The following CNOT4 variants were observed in gnomAD, a reference collection of about 807,000 sequenced individuals.
The protein encoded by CNOT4 is CCR4-associated factor 4.
Under a neutral mutation model 73.8 loss-of-function variants are expected in CNOT4, and 8 were observed. That is an observed-to-expected ratio of 0.11 (90% CI 0.06 to 0.20). CNOT4 has a LOEUF of 0.20. Among genes scored for constraint, CNOT4 ranks in the 10% least tolerant of loss-of-function variants. The pLI, the probability that CNOT4 is intolerant of heterozygous loss-of-function variation, is 1.00. For synonymous variants in CNOT4, 293 were observed against 321.1 expected (o/e 0.91, Z 0.94); for missense variants, 564 against 883.4 (o/e 0.64, Z 4.58).
At chr7:135,397,281 A>T (rs949697885) in intron 8 of CNOT4, among the ~76,000 whole-genome samples, 7 of 152,144 alleles carry the variant, frequency 4.6e-5, no homozygotes, top group African/African-American at 1.7e-4. Flanking sequence ...AAACAGAATT[A>T]TGATCAAAAC....
Position 135,363,900 on chromosome 7 carries a change from C to G in CNOT4, c.1794G>C (p.Leu598=). The G allele has an allele frequency of 6.3e-7, 1 of 1,598,330 alleles. No homozygotes were observed. The highest frequency in any genetic ancestry group is 8.5e-7 in the Non-Finnish European group (1 of 1,179,690). ...PTSNTATTDS[L]SWDSPGSWTD... Reference sequence around the variant, plus strand: ...TCCAGCTGCCAGGGCTGTCCCAACTCAGGCTGTCGGTGGTGGCAGTGTTGG... The same window carrying G: ...TCCAGCTGCCAGGGCTGTCCCAACTGAGGCTGTCGGTGGTGGCAGTGTTGG... The change falls in exon 11 of 12, where the codon CTG becomes CTC. Residue 598 remains leucine (L), a synonymous_variant. Transcript: ENST00000541284. This position sits in a 1 kb window ranked among gnomAD's most constrained non-coding sequence, Gnocchi z 4.3.
chr7:135,417,631 G>A (rs1158043853), intron 3 of CNOT4, among the ~76,000 whole-genome samples: 2 of 152,130 alleles, frequency 1.3e-5, no homozygotes, highest in East Asian at 1.9e-4. Flanking sequence ...CAGCCAGAAT[G>A]GTACTGTCAA....
chr7:135,467,737 T>TA (rs1326661897), intron 1 of CNOT4, among the ~76,000 whole-genome samples: 19 of 151,526 alleles, frequency 1.3e-4, no homozygotes, highest in Admixed American at 9.2e-4. Flanking sequence ...TAAAAAAAGA[T>TA]AAAAAACTTC....
rs773337971 is a variant in CNOT4, at chr7:135,426,500, G to A, written c.175-4147C>T. Among the ~76,000 whole-genome samples, 5 of 151,750 alleles carry A rather than the reference G, an allele frequency of 3.3e-5. No individual in the cohort carries two copies. In the East Asian group the frequency reaches 7.8e-4, roughly 24 times the overall value. On this transcript the variant is annotated intron_variant, in intron 2 of 11. Transcript: ENST00000541284. Reference sequence around the variant, plus strand: ...CACCTGTAGTCCCAGCTACTCAGAAGGCTGGAGCAGGAGAATGGCGTGAAC... The same window carrying A: ...CACCTGTAGTCCCAGCTACTCAGAAAGCTGGAGCAGGAGAATGGCGTGAAC...
chr7:135,418,148 C>T (rs768571468), intron 3 of CNOT4, among the ~76,000 whole-genome samples: 1 of 152,174 alleles, frequency 6.6e-6, no homozygotes, highest in South Asian at 2.1e-4. Flanking sequence ...CAATAGTGGG[C>T]CTCAAAGTAT....
intron 2 of CNOT4, among the ~76,000 whole-genome samples, chr7:135,423,521 G>A (rs941200396): frequency 6.6e-6 from 1 of 150,902 alleles, no homozygotes; most frequent in African/African-American, 2.4e-5. Context: ...GAGTAACGCT[G>A]ACGGCAATTA....
At chr7:135,426,592 G>C (rs2129484741) in intron 2 of CNOT4, among the ~76,000 whole-genome samples, 1 of 121,938 alleles carries the variant, frequency 8.2e-6, no homozygotes, top group South Asian at 2.7e-4. Context: ...GACAGAGCAA[G>C]ACTCCGTCTC....
At chr7:135,472,134 C>A (rs1286627132) in intron 1 of CNOT4, among the ~76,000 whole-genome samples, 9 of 151,580 alleles carry the variant, frequency 5.9e-5, no homozygotes, top group African/African-American at 2.2e-4. Flanking sequence ...GATCACACCA[C>A]TGTACTCCAG....
At chr7:135,489,391 C>CTTTTTTTTTTTT (rs71174525) in intron 1 of CNOT4, among the ~76,000 whole-genome samples, 3 of 84,746 alleles carry the variant, frequency 3.5e-5, no homozygotes, top group African/African-American at 4.8e-5. Flanking sequence ...AGTCACATTT[C>CTTTTTTTTTTTT]TTTTTTTTTT....
intron 2 of CNOT4, among the ~76,000 whole-genome samples, chr7:135,426,041 A>G (rs1262016435): frequency 6.6e-6 from 1 of 151,762 alleles, no homozygotes; most frequent in East Asian, 1.9e-4. Flanking sequence ...TGAGACCCCC[A>G]TCTCTACAAA....
intron 10 of CNOT4, among the ~76,000 whole-genome samples, chr7:135,371,040 A>G (rs998941225): frequency 6.6e-6 from 1 of 152,122 alleles, no homozygotes; most frequent in African/African-American, 2.4e-5. Flanking sequence ...TATTCTACCC[A>G]TTTTTCTACT....
intron 1 of CNOT4, among the ~76,000 whole-genome samples, chr7:135,495,697 AGAAAGAAAGAAAG>A (rs1803495261): frequency 4.0e-5 from 1 of 24,732 alleles, no homozygotes; most frequent in Admixed American, 3.9e-4. Context: ...AAAAAAAGAA[AGAAAGAAAGAAAG>A]AAAGAAAGAA....
intron 1 of CNOT4, among the ~76,000 whole-genome samples, chr7:135,502,922 G>A (rs1403617391): frequency 1.3e-4 from 19 of 146,986 alleles, no homozygotes; most frequent in South Asian, 4.4e-4. Flanking sequence ...GGAGGCTGAG[G>A]CAGGTGGATC....
intron 8 of CNOT4, among the ~76,000 whole-genome samples, chr7:135,396,107 C>CTTAT (rs1796670900): frequency 1.0e-5 from 1 of 95,432 alleles, no homozygotes. Flanking sequence ...ACTAGTCTCC[C>CTTAT]TTTTTTTTTT....
At chr7:135,502,455 A>G (rs1804044513) in intron 1 of CNOT4, among the ~76,000 whole-genome samples, 2 of 152,238 alleles carry the variant, frequency 1.3e-5, no homozygotes, top group African/African-American at 4.8e-5. Flanking sequence ...TCTTGACAAG[A>G]TAAACTCTAC....
intron 1 of CNOT4, among the ~76,000 whole-genome samples, chr7:135,456,823 G>C (rs1430492398): frequency 6.6e-6 from 1 of 152,022 alleles, no homozygotes; most frequent in Non-Finnish European, 1.5e-5. Context: ...TGTATATAAA[G>C]GGTTCAGTAC....
chr7:135,491,860 A>G (rs1283183998), intron 1 of CNOT4, among the ~76,000 whole-genome samples: 1 of 152,262 alleles, frequency 6.6e-6, no homozygotes, highest in Admixed American at 6.5e-5. Flanking sequence ...TACACTGTAT[A>G]TAAAGAACCT....
intron 7 of CNOT4, among the ~76,000 whole-genome samples, chr7:135,408,848 A>G (rs1462067170): frequency 3.3e-5 from 5 of 152,242 alleles, no homozygotes; most frequent in African/African-American, 1.2e-4. Context: ...ACTGAATGAA[A>G]TGATGTTATT....
intron 1 of CNOT4, among the ~76,000 whole-genome samples, chr7:135,487,217 A>G (rs1179994678): frequency 6.6e-6 from 1 of 151,340 alleles, no homozygotes; most frequent in Non-Finnish European, 1.5e-5. Context: ...TCTTCCTGTA[A>G]ATGTGCTTTT....
Sources: allele counts gnomAD v4.1 joint callset (sites outside exome capture counted in the v4.1 genomes callset), GRCh38; gene constraint gnomAD v4.1.1; non-coding constraint Gnocchi (gnomAD v3.1); transcripts MANE v1.5; gene names NCBI Gene and HGNC (gene_info 2026-07-23, HGNC 2026-07-21).